MREG: variants seen among roughly 807,000 people sequenced by gnomAD.
MREG encodes the protein dilute suppressor protein homolog.
Under a neutral mutation model 28.5 loss-of-function variants are expected in MREG, and 31 were observed. The ratio of observed to expected loss-of-function variants is 1.09; its 90% CI spans 0.82 to 1.47. MREG has a LOEUF of 1.47. Among genes scored for constraint, MREG ranks in the 40% most tolerant of loss-of-function variants. The pLI, the probability that MREG is intolerant of heterozygous loss-of-function variation, is 0.00. For synonymous variants in MREG, 106 were observed against 95.2 expected (o/e 1.11, Z -0.66); for missense variants, 256 against 257.4 (o/e 0.99, Z 0.04).
chr2:215,991,082 C>T (rs943358926), intron 2 of MREG, among the ~76,000 whole-genome samples: 1 of 152,216 alleles, frequency 6.6e-6, no homozygotes, highest in Non-Finnish European at 1.5e-5. Flanking sequence ...CCCAAATCAA[C>T]AGAATATACA....
intron 1 of MREG, among the ~76,000 whole-genome samples, chr2:216,026,229 A>T (rs1694592257): frequency 6.6e-6 from 1 of 152,270 alleles, no homozygotes; most frequent in Non-Finnish European, 1.5e-5. Flanking sequence ...TGCTTAATGT[A>T]TATAAAGTTT....
At chr2:216,014,657 A>T (rs557544905), upstream of MREG, among the ~76,000 whole-genome samples, 1,151 of 151,980 alleles carry the variant, frequency 7.6e-3, 8 homozygotes, top group South Asian at 0.031. Context: ...TCAAAAAAAA[A>T]AAAATAAAAT....
At chr2:216,021,109 C>G (rs1694513385) in intron 1 of MREG, among the ~76,000 whole-genome samples, 1 of 152,168 alleles carries the variant, frequency 6.6e-6, no homozygotes, top group Non-Finnish European at 1.5e-5. Flanking sequence ...TGATGTTCTT[C>G]AGTAGGGGCC....
At position 216,029,772 on chromosome 2, in the gene MREG, C is replaced by T. The variant is rs77775323; in HGVS notation, c.-68+3017G>A. Reference sequence around the variant, plus strand: ...TTTCCCTTCAGGCAAAGTTGCACAGCAAATCAAAGTTTTAGATTTGTTTTT... The same window carrying T: ...TTTCCCTTCAGGCAAAGTTGCACAGTAAATCAAAGTTTTAGATTTGTTTTT... On this transcript the variant is annotated intron_variant, in intron 1 of 3. Transcript: ENST00000420348. 3.7e-3 allele frequency among the ~76,000 whole-genome samples: 565 copies of T among 152,310 alleles called. 2 individuals carry two copies. Among genetic ancestry groups the T allele is most frequent in the Middle Eastern group, 0.014 (4 of 294 alleles).
chr2:216,010,609 G>A (rs1340738201), intron 1 of MREG, among the ~76,000 whole-genome samples: 3 of 150,660 alleles, frequency 2.0e-5, no homozygotes, highest in Admixed American at 1.3e-4. Context: ...CGGCCGCCTC[G>A]GCCTCCCAAA....
At chr2:215,999,788 G>A (rs1054164984) in intron 1 of MREG, among the ~76,000 whole-genome samples, 1 of 152,158 alleles carries the variant, frequency 6.6e-6, no homozygotes, top group African/African-American at 2.4e-5. Context: ...GTAACACATG[G>A]GGCAGAAGCC....
intron 2 of MREG, among the ~76,000 whole-genome samples, chr2:215,989,597 C>T (rs113932535): frequency 1.2e-3 from 187 of 151,982 alleles, no homozygotes; most frequent in African/African-American, 4.3e-3. Context: ...CAAACTGCTC[C>T]GACCTAAAGG....
chr2:215,979,463 C>CAAA (rs747741518), intron 2 of MREG, among the ~76,000 whole-genome samples: 7,891 of 104,496 alleles, frequency 0.076, 291 homozygotes, highest in Non-Finnish European at 0.089. Context: ...AACTCCATCT[C>CAAA]AAAAAATAAT....
chr2:215,977,816 T>C (rs1266069941), intron 2 of MREG, among the ~76,000 whole-genome samples: 1 of 152,088 alleles, frequency 6.6e-6, no homozygotes, highest in Non-Finnish European at 1.5e-5. Context: ...GAAATAAATA[T>C]ATTATTTGAA....
At chr2:216,023,904 G>A (rs1694559614) in intron 1 of MREG, among the ~76,000 whole-genome samples, 1 of 152,308 alleles carries the variant, frequency 6.6e-6, no homozygotes, top group South Asian at 2.1e-4. Flanking sequence ...CTGACCTGAA[G>A]TGATCTGCCC....
chr2:215,999,372 G>A (rs1436325250), intron 1 of MREG, among the ~76,000 whole-genome samples: 1 of 152,216 alleles, frequency 6.6e-6, no homozygotes, highest in Non-Finnish European at 1.5e-5. Flanking sequence ...TCACACGGGA[G>A]TAGGTGTAAT....
intron 2 of MREG, among the ~76,000 whole-genome samples, chr2:215,993,311 G>C (rs1275715718): frequency 6.6e-6 from 1 of 152,158 alleles, no homozygotes; most frequent in Non-Finnish European, 1.5e-5. Flanking sequence ...ACAAAAACAA[G>C]CAATGGGGAA....
At chr2:216,029,969 T>A (rs557576155) in intron 1 of MREG, among the ~76,000 whole-genome samples, 1 of 152,366 alleles carries the variant, frequency 6.6e-6, no homozygotes, top group East Asian at 1.9e-4. Flanking sequence ...GGTGGTCACA[T>A]GGGCTTCTCA....
intron 2 of MREG, among the ~76,000 whole-genome samples, chr2:215,947,654 C>A (rs1692355797): frequency 6.6e-6 from 1 of 152,212 alleles, no homozygotes; most frequent in African/African-American, 2.4e-5. Flanking sequence ...ACAAAAAAAT[C>A]TATGTCTCCC....
Position 215,944,710 on chromosome 2 carries a change from T to C in MREG, c.*153A>G. The C allele has an allele frequency of 1.4e-6, 1 of 730,028 alleles. No individual in the cohort carries two copies. Among genetic ancestry groups the C allele is most frequent in the Non-Finnish European group, 2.0e-6 (1 of 493,312 alleles). The allele number at this position is 730,028 out of a possible 1,614,324, so 45.2% of individuals were successfully genotyped here. On this transcript the variant is annotated 3_prime_UTR_variant, in exon 5 of 5. Coordinates refer to ENST00000263268, the MANE Select transcript of MREG (RefSeq NM_018000.3). ...CTGCACAATTCATGGGGCAGGGTCC[T>C]CAGATTAAAGACTTTACATTTATGT...
chr2:216,009,514 G>C (rs983418219), intron 1 of MREG, among the ~76,000 whole-genome samples: 2 of 152,098 alleles, frequency 1.3e-5, no homozygotes, highest in Non-Finnish European at 2.9e-5. Context: ...TCTGATGTCT[G>C]TATTAGATCC....
intron 1 of MREG, among the ~76,000 whole-genome samples, chr2:215,996,778 T>TA (rs1480617886): frequency 9.0e-5 from 3 of 33,358 alleles, no homozygotes; most frequent in Non-Finnish European, 2.6e-4. Context: ...AATTCAATTC[T>TA]TTTTTTTTTT....
intron 1 of MREG, among the ~76,000 whole-genome samples, chr2:216,000,110 G>A (rs764144871): frequency 6.6e-6 from 1 of 152,208 alleles, no homozygotes; most frequent in Non-Finnish European, 1.5e-5. Context: ...TATATTCAGG[G>A]CTTGAGCCAA....
intron 1 of MREG, among the ~76,000 whole-genome samples, chr2:216,001,393 G>A (rs1476966312): frequency 2.6e-5 from 4 of 152,204 alleles, no homozygotes. Context: ...ATGTAAATCA[G>A]GAAAGAGAAC....
Sources: allele counts gnomAD v4.1 joint callset (sites outside exome capture counted in the v4.1 genomes callset), GRCh38; gene constraint gnomAD v4.1.1; transcripts MANE v1.5; gene names NCBI Gene and HGNC (gene_info 2026-07-23, HGNC 2026-07-21).